Variants in PCDHGA4 observed in about 807,000 individuals in gnomAD.
PCDHGA4 encodes protocadherin gamma-A4.
In PCDHGA4, 38 loss-of-function variants were observed where a neutral mutation model predicts 54.6. The ratio of observed to expected loss-of-function variants is 0.70; its 90% confidence interval spans 0.54 to 0.91. The LOEUF (loss-of-function observed/expected upper bound fraction) is 0.91. Among genes scored for constraint, PCDHGA4 ranks in the 40% least tolerant of loss-of-function variants. The pLI, the probability that PCDHGA4 is intolerant of heterozygous loss-of-function variation, is 0.00. For missense variants in PCDHGA4, 1,298 were observed against 1,220.9 expected, an observed-to-expected ratio of 1.06 and a Z score of -0.94; for synonymous variants, 511 against 512.9, an observed-to-expected ratio of 1.00 and a Z score of 0.05.
chr5:141,418,954 T>C (rs1490406390), intron 1 of PCDHGA4: 2 of 1,613,914 alleles, frequency 1.2e-6, no homozygotes, highest in Admixed American at 1.7e-5. Flanking sequence ...CAGGAGTGGT[T>C]GTTGCCCTCT....
Position 141,490,413 on chromosome 5 carries a change from G to A in PCDHGA4, c.2515-4394G>A, listed in dbSNP as rs2233606. On this transcript the variant is annotated intron_variant, in intron 1 of 3. Transcript: ENST00000571252. The surrounding 1 kb of genome is among the most constrained non-coding windows in gnomAD (Gnocchi z 5.4). ...GTGAAGTGAGCCTTGATATCTCTCC[G>A]GACCTGCCATTTCAGATTAAGCCTT... 2.3e-3 allele frequency: 3,787 copies of A among 1,614,128 alleles called. 38 individuals are homozygous for A. In the African/African-American group the frequency reaches 0.027, roughly 12 times the overall value.
intron 1 of PCDHGA4, chr5:141,398,637 T>G: frequency 6.2e-7 from 1 of 1,614,026 alleles, no homozygotes; most frequent in Non-Finnish European, 8.5e-7. Context: ...TGCAGAAGTA[T>G]AAACTCTCTC....
At chr5:141,362,257 A>C (rs1199610495) in intron 1 of PCDHGA4, 5 of 1,613,784 alleles carry the variant, frequency 3.1e-6, no homozygotes. Context: ...CCTCGCGGTG[A>C]TTCTGGCAAT....
At chr5:141,461,614 T>G (rs954890718) in intron 1 of PCDHGA4, among the ~76,000 whole-genome samples, 11 of 152,208 alleles carry the variant, frequency 7.2e-5, no homozygotes, top group Non-Finnish European at 1.2e-4. Flanking sequence ...TTCAAAGTAT[T>G]TTCTAATACA....
At chr5:141,419,290 T>C (rs1160812369) in intron 1 of PCDHGA4, 1 of 1,613,914 alleles carries the variant, frequency 6.2e-7, no homozygotes, top group African/African-American at 1.3e-5. Context: ...TCAGTGCCTC[T>C]GACCCAGACT....
chr5:141,370,057 C>T (rs180898728), intron 1 of PCDHGA4, among the ~76,000 whole-genome samples: 2 of 152,150 alleles, frequency 1.3e-5, no homozygotes, highest in Non-Finnish European at 2.9e-5. Flanking sequence ...TTTAAAAGTC[C>T]TTTTAAAATG....
rs1387152450 is a variant in PCDHGA4 at position 141,487,754 on chromosome 5, G to A, written c.2515-7053G>A. The A allele has an allele frequency of 1.3e-6, 2 of 1,552,036 alleles. No individual in the cohort carries two copies. Among genetic ancestry groups the A allele is most frequent in the Admixed American group, 3.9e-5 (2 of 50,970 alleles). ...CATTTTTGTAAGAGGTAACTATGTG[G>A]TAGACGCTGTGCTTTGTAACTGTTT... On this transcript the variant is annotated intron_variant, in intron 1 of 3. Transcript: ENST00000571252. This position sits in a 1 kb window ranked among gnomAD's most constrained non-coding sequence, Gnocchi z 5.0.
chr5:141,385,520 G>A, intron 1 of PCDHGA4: 1 of 1,359,080 alleles, frequency 7.4e-7, no homozygotes, highest in African/African-American at 1.5e-5. Flanking sequence ...GAAAGCCTAT[G>A]GACAAGATTA....
chr5:141,460,909 G>GGTGT (rs548378036), intron 1 of PCDHGA4, among the ~76,000 whole-genome samples: 1 of 123,246 alleles, frequency 8.1e-6, no homozygotes, highest in African/African-American at 3.7e-5. Flanking sequence ...AATATTCCAT[G>GGTGT]GTGTATATAT....
intron 1 of PCDHGA4, chr5:141,415,740 G>GTTTTTTTTTTTTTTTTTTTTTTTTTTTTT (rs57426385): frequency 8.0e-6 from 5 of 625,030 alleles, no homozygotes; most frequent in African/African-American, 2.5e-5. Flanking sequence ...GTTTATTAAG[G>GTTTTTTTTTTTTTTTTTTTTTTTTTTTTT]TTTTTTTTTT....
intron 1 of PCDHGA4, chr5:141,427,830 C>G (rs749612858): frequency 7.8e-6 from 12 of 1,538,206 alleles, no homozygotes; most frequent in Non-Finnish European, 1.1e-5. Context: ...GGTCGCGCAG[C>G]GTGCCTTCGA....
chr5:141,446,043 A>T (rs1374577548), intron 1 of PCDHGA4, among the ~76,000 whole-genome samples: 2 of 152,226 alleles, frequency 1.3e-5, no homozygotes, highest in Non-Finnish European at 2.9e-5. Flanking sequence ...AAATGGAAGA[A>T]GAGCTGGCTT....
chr5:141,385,771 C>A, intron 1 of PCDHGA4: 1 of 163,128 alleles, frequency 6.1e-6, no homozygotes, highest in Non-Finnish European at 1.3e-5. Context: ...CTGATTCTGC[C>A]TCCATGTACC....
rs967535805 is a variant in PCDHGA4 at position 141,490,206 on chromosome 5, C to T, written c.2515-4601C>T. 2.4e-5 allele frequency: 38 copies of T among 1,614,050 alleles called. No homozygotes were observed. In the Admixed American group the frequency reaches 5.0e-4, roughly 21 times the overall value. ...GTTTCTATGAAATTCATGCAAGAGCCCGTGACCAGGGACAGCCTGCCATGG... is the reference window on the plus strand; with the variant it reads ...GTTTCTATGAAATTCATGCAAGAGCTCGTGACCAGGGACAGCCTGCCATGG... On this transcript the variant is annotated intron_variant, in intron 1 of 3. Coordinates refer to ENST00000571252, the MANE Select transcript of PCDHGA4 (RefSeq NM_018917.4). This position sits in a 1 kb window ranked among gnomAD's most constrained non-coding sequence, Gnocchi z 5.4.
At position 141,432,432 on chromosome 5, in the gene PCDHGA4, A is replaced by G. The variant is rs1431760497; in HGVS notation, c.2515-62375A>G. On this transcript the variant is annotated intron_variant, in intron 1 of 3. Transcript: ENST00000571252. This position sits in a 1 kb window ranked among gnomAD's most constrained non-coding sequence, Gnocchi z 6.0. ...CTGTTCGTGCTGGACCAGAACGACA[A>G]TGCGCCCGAGATCCTGTACCCCGCC... The G allele has an allele frequency of 2.5e-6, 4 of 1,614,156 alleles. No homozygotes were observed. Among genetic ancestry groups the G allele is most frequent in the Non-Finnish European group, 3.4e-6 (4 of 1,180,028 alleles).
chr5:141,388,842 A>C, intron 1 of PCDHGA4: 1 of 1,614,014 alleles, frequency 6.2e-7, no homozygotes, highest in Non-Finnish European at 8.5e-7. Flanking sequence ...TTTGGAAGCA[A>C]GGGACGGTGG....
intron 1 of PCDHGA4, among the ~76,000 whole-genome samples, chr5:141,359,411 G>T (rs1467965013): frequency 6.6e-6 from 1 of 151,822 alleles, no homozygotes; most frequent in Non-Finnish European, 1.5e-5. Context: ...TTTAAAAAAT[G>T]TGTTTTTGTT....
intron 1 of PCDHGA4, among the ~76,000 whole-genome samples, chr5:141,437,668 G>T (rs72790049): frequency 3.1e-4 from 47 of 151,868 alleles, no homozygotes; most frequent in Non-Finnish European, 6.0e-4. Context: ...TCGAAGAGAT[G>T]TTGATCAAAC....
At chr5:141,384,290 A>T in intron 1 of PCDHGA4, 1 of 1,613,874 alleles carries the variant, frequency 6.2e-7, no homozygotes, top group Non-Finnish European at 8.5e-7. Context: ...ATCGCTGAGA[A>T]CAACCCCAGA....
Sources: gnomAD v4.1 joint callset for allele counts (sites outside exome capture counted in the v4.1 genomes callset) on GRCh38, gnomAD v4.1.1 for gene constraint, Gnocchi (gnomAD v3.1) non-coding constraint, MANE v1.5 for transcripts, NCBI Gene and HGNC (gene_info 2026-07-23, HGNC 2026-07-21) for gene names.